MAP3K20: variants seen among roughly 807,000 people sequenced by gnomAD.
MAP3K20 encodes HCCS-4.
In MAP3K20, 40 loss-of-function variants were observed where a neutral mutation model predicts 85.7. The observed-to-expected ratio is 0.47, with a 90% confidence interval of 0.36 to 0.61. The LOEUF (loss-of-function observed/expected upper bound fraction) is 0.61. Ranked by LOEUF, MAP3K20 falls within the 20% of genes least tolerant of loss-of-function variation. MAP3K20 has a pLI of 0.00. For synonymous variants in MAP3K20, 325 were observed against 327.7 expected, an observed-to-expected ratio of 0.99 and a Z score of 0.09; for missense variants, 817 against 961.7, an observed-to-expected ratio of 0.85 and a Z score of 1.99.
intron 2 of MAP3K20, among the ~76,000 whole-genome samples, chr2:173,128,352 A>G (rs1688508125): frequency 1.1e-5 from 1 of 92,306 alleles, no homozygotes. Flanking sequence ...TATTTATTTC[A>G]GATAGAGTCT....
intron 2 of MAP3K20, among the ~76,000 whole-genome samples, chr2:173,119,684 C>T (rs1439541609): frequency 6.6e-6 from 1 of 152,166 alleles, no homozygotes; most frequent in Non-Finnish European, 1.5e-5. Context: ...CTTCTACATA[C>T]ACCATCTACA....
intron 3 of MAP3K20, among the ~76,000 whole-genome samples, chr2:173,177,549 G>A (rs979808009): frequency 6.8e-6 from 1 of 146,518 alleles, no homozygotes; most frequent in Non-Finnish European, 1.5e-5. Flanking sequence ...CCAGGTTCAA[G>A]CGATTCTCCT....
intron 2 of MAP3K20, among the ~76,000 whole-genome samples, chr2:173,151,172 G>T (rs1689297081): frequency 6.6e-6 from 1 of 152,038 alleles, no homozygotes; most frequent in African/African-American, 2.4e-5. Context: ...GTGTAGAGAA[G>T]TTAGAACCCA....
intron 7 of MAP3K20, among the ~76,000 whole-genome samples, chr2:173,197,011 G>GT (rs1690866719): frequency 6.6e-6 from 1 of 151,904 alleles, no homozygotes; most frequent in African/African-American, 2.4e-5. Context: ...AGGGTAAGAT[G>GT]TATCCAGTAG....
In MAP3K20 at chr2:173,190,952, T is replaced by A. The variant is rs767053813; in HGVS notation, c.444+29T>A. ...GGACTATTTCTTTTACTTAAAAAAA[T>A]TGTTAATTTCAGATGTAGATTTTTG... On this transcript the variant is annotated intron_variant, in intron 6 of 19. Coordinates refer to ENST00000375213, the MANE Select transcript of MAP3K20 (RefSeq NM_016653.3). 3.1e-6 allele frequency: 5 copies of A among 1,607,736 alleles called. No homozygotes were observed. In the East Asian group the frequency reaches 8.9e-5, roughly 29 times the overall value.
intron 3 of MAP3K20, 37 bp from the exon 4 acceptor site, chr2:173,182,817 G>T: frequency 7.2e-7 from 1 of 1,394,872 alleles, no homozygotes; most frequent in South Asian, 1.5e-5. Context: ...AATGTATCTT[G>T]ATTTTAATTA....
At chr2:173,261,676 G>A (rs891485065) in intron 18 of MAP3K20, among the ~76,000 whole-genome samples, 2 of 152,106 alleles carry the variant, frequency 1.3e-5, no homozygotes, top group African/African-American at 2.4e-5. Flanking sequence ...GGCACTATTA[G>A]AGGTGCTTAC....
intron 2 of MAP3K20, among the ~76,000 whole-genome samples, chr2:173,144,974 T>C (rs1689096158): frequency 6.6e-6 from 1 of 152,120 alleles, no homozygotes; most frequent in African/African-American, 2.4e-5. Flanking sequence ...CCAATGTAAT[T>C]AAATGCAGAA....
In MAP3K20 at chr2:173,239,504, A is replaced by G. The variant is rs375629173; in HGVS notation, c.1359+8A>G. ...CCAGGAACTGGCCCACAGGTAAATCACATTTTAAATCCTTTGGATAAATCT... is the reference window on the plus strand; with the variant it reads ...CCAGGAACTGGCCCACAGGTAAATCGCATTTTAAATCCTTTGGATAAATCT... On this transcript the variant is annotated splice_region_variant and intron_variant, in intron 16 of 19. Coordinates refer to ENST00000375213, the MANE Select transcript of MAP3K20 (RefSeq NM_016653.3). 1.6e-5 allele frequency: 26 copies of G among 1,609,110 alleles called. No individual in the cohort carries two copies. The South Asian group carries it at 1.9e-4, about 12-fold the overall frequency.
At chr2:173,134,418 A>ATTTTT (rs1559246078) in intron 2 of MAP3K20, among the ~76,000 whole-genome samples, 3 of 6,150 alleles carry the variant, frequency 4.9e-4, no homozygotes, top group African/African-American at 1.2e-3. Flanking sequence ...ATATATATAT[A>ATTTTT]TATATATATA....
intron 4 of MAP3K20, 53 bp downstream of exon 4, chr2:173,183,008 C>T: frequency 1.5e-6 from 2 of 1,373,252 alleles, no homozygotes; most frequent in South Asian, 2.6e-5. Context: ...TTTTCCCCTC[C>T]TGAAATGGGG....
intron 11 of MAP3K20, among the ~76,000 whole-genome samples, chr2:173,227,501 C>T (rs12478987): frequency 0.15 from 23,542 of 152,128 alleles, 2,188 homozygotes; most frequent in South Asian, 0.25. Flanking sequence ...CTGGCTCCAG[C>T]CTTCCTCTCA....
intron 1 of MAP3K20, chr2:173,090,786 C>A: frequency 1.7e-6 from 2 of 1,171,458 alleles, no homozygotes; most frequent in Non-Finnish European, 2.1e-6. Context: ...AGCTGTGTTT[C>A]AAAGTCTGGG....
intron 2 of MAP3K20, among the ~76,000 whole-genome samples, chr2:173,094,786 TTGA>T (rs1189640775): frequency 3.3e-5 from 5 of 152,222 alleles, no homozygotes; most frequent in Admixed American, 2.0e-4. Context: ...AGTCTCATTA[TTGA>T]TGATGTTAGT....
chr2:173,257,621 A>C (rs1685189869), intron 16 of MAP3K20, among the ~76,000 whole-genome samples: 1 of 152,326 alleles, frequency 6.6e-6, no homozygotes, highest in East Asian at 1.9e-4. Context: ...AAAGCTGCTA[A>C]GAACACATCT....
At chr2:173,189,635 C>A (rs1690590683) in intron 5 of MAP3K20, among the ~76,000 whole-genome samples, 1 of 152,168 alleles carries the variant, frequency 6.6e-6, no homozygotes, top group Non-Finnish European at 1.5e-5. Context: ...TTCTCCCTAA[C>A]CCCGAAAAAT....
chr2:173,256,026 T>C (rs1227795075), intron 16 of MAP3K20, among the ~76,000 whole-genome samples: 1 of 152,252 alleles, frequency 6.6e-6, no homozygotes, highest in Non-Finnish European at 1.5e-5. Context: ...AGGTTTTCAT[T>C]TTATTGAACG....
chr2:173,249,105 T>C (rs551401590), intron 16 of MAP3K20, among the ~76,000 whole-genome samples: 39 of 152,276 alleles, frequency 2.6e-4, no homozygotes, highest in African/African-American at 8.9e-4. Flanking sequence ...AGAATATAGT[T>C]TGGAAACAGA....
At chr2:173,120,701 C>CTTTTTTTT (rs56084110) in intron 2 of MAP3K20, among the ~76,000 whole-genome samples, 3 of 49,230 alleles carry the variant, frequency 6.1e-5, no homozygotes, top group Admixed American at 7.9e-4. Context: ...ACTCTCACTT[C>CTTTTTTTT]TTTTTTTTTT....
Sources: gnomAD v4.1 joint callset for allele counts (sites outside exome capture counted in the v4.1 genomes callset) on GRCh38, gnomAD v4.1.1 for gene constraint, MANE v1.5 for transcripts, NCBI Gene and HGNC (gene_info 2026-07-23, HGNC 2026-07-21) for gene names.